Variants in KIR2DL1 observed in about 807,000 individuals in gnomAD.
The protein encoded by KIR2DL1 is killer cell immunoglobulin-like receptor 2DL1.
A neutral mutation model predicts 33.9 loss-of-function variants in KIR2DL1; 38 were observed. The observed-to-expected ratio is 1.12, with a 90% CI of 0.86 to 1.47. The LOEUF is 1.47. KIR2DL1 is among the 40% of genes most tolerant of loss of function. The probability of loss-of-function intolerance (pLI) is 0.00; values close to 1 mark genes in which losing one functional copy is unlikely to be tolerated. For missense variants in KIR2DL1, 531 were observed against 433.9 expected (o/e 1.22, Z -1.99); for synonymous variants, 179 against 165.9 (o/e 1.08, Z -0.61).
Position 54,783,854 on chromosome 19 carries a change from A to G in KIR2DL1, c.*41A>G. ...CTTGAGGGCGTCTTCTAGGGAGACA[A>G]CAGCCCTGTCTCAAAACCGGGTTGC... is the stretch of plus-strand genomic sequence containing the variant. On this transcript the variant is annotated 3_prime_UTR_variant, in exon 8 of 8. Transcript: ENST00000336077. The G allele has an allele frequency of 6.2e-7, 1 of 1,613,604 alleles. No homozygotes were observed. Among genetic ancestry groups the G allele is most frequent in the South Asian group, 1.1e-5 (1 of 91,060 alleles).
intron 6 of KIR2DL1, 40 bp downstream of exon 6, chr19:54,783,063 T>C (rs780702632): frequency 2.5e-6 from 4 of 1,595,668 alleles, no homozygotes; most frequent in Non-Finnish European, 3.4e-6. Flanking sequence ...CTCAGGGCCA[T>C]GTGGGGAAGC....
chr19:54,776,131 C>G (rs1300898601), intron 4 of KIR2DL1, among the ~76,000 whole-genome samples: 103 of 144,636 alleles, frequency 7.1e-4, no homozygotes, highest in African/African-American at 2.4e-3. Context: ...ACCACGTGAT[C>G]CACCCGCATC....
At chr19:54,781,351 G>C (rs1447521350) in intron 5 of KIR2DL1, among the ~76,000 whole-genome samples, 1 of 149,880 alleles carries the variant, frequency 6.7e-6, no homozygotes, top group Non-Finnish European at 1.5e-5. Flanking sequence ...GTGAGCATGA[G>C]ATCATATAGA....
In KIR2DL1 at chr19:54,780,626, A is replaced by G. The variant is rs1382576383; in HGVS notation, c.715+1964A>G. Among the ~76,000 whole-genome samples, 46 of 143,704 alleles carry G rather than the reference A, an allele frequency of 3.2e-4. 4 individuals are homozygous for G. Among genetic ancestry groups the G allele is most frequent in the Non-Finnish European group, 3.1e-5 (2 of 65,096 alleles). 94.3% of individuals were successfully genotyped at this position (143,704 alleles called of 152,430 possible). Reference sequence around the variant, plus strand: ...ATAACTGGAATCTAGGAGACCGTGGAAAAGGCAATTGCCGCCCCACTGGTG... The same window carrying G: ...ATAACTGGAATCTAGGAGACCGTGGGAAAGGCAATTGCCGCCCCACTGGTG... On this transcript the variant is annotated intron_variant, in intron 5 of 7. Coordinates refer to ENST00000336077, the MANE Select transcript of KIR2DL1 (RefSeq NM_014218.3).
intron 5 of KIR2DL1, 30 bp from the exon 6 acceptor site, chr19:54,782,892 G>A (rs377343184): frequency 4.8e-5 from 77 of 1,600,024 alleles, no homozygotes; most frequent in Non-Finnish European, 6.5e-5. Context: ...GCTAAGATTA[G>A]CTTCTTATTG....
chr19:54,771,533 G>A (rs1384527681), intron 2 of KIR2DL1, among the ~76,000 whole-genome samples: 12 of 147,270 alleles, frequency 8.1e-5, no homozygotes, highest in East Asian at 5.9e-4. Context: ...CTTGGAAAGC[G>A]AGGAGAATCT....
chr19:54,772,563 G>A (rs2075862236), intron 2 of KIR2DL1, among the ~76,000 whole-genome samples: 1 of 145,806 alleles, frequency 6.9e-6, no homozygotes, highest in African/African-American at 2.5e-5. Context: ...AGGATAGCCA[G>A]GCATGGTGGC....
intron 7 of KIR2DL1, 25 bp downstream of exon 7, chr19:54,783,563 G>T (rs369820783): frequency 1.9e-6 from 3 of 1,613,782 alleles, no homozygotes; most frequent in Non-Finnish European, 2.5e-6. Flanking sequence ...GCCCGGGCTC[G>T]TGGCTACTGT....
chr19:54,782,888 A>G (rs1259683160), intron 5 of KIR2DL1, 34 bp from the exon 6 acceptor site: 36 of 1,599,584 alleles, frequency 2.3e-5, no homozygotes, highest in Non-Finnish European at 3.0e-5. Context: ...AACTGCTAAG[A>G]TTAGCTTCTT....
In KIR2DL1 at chr19:54,778,604, T is replaced by A. The variant is rs375575487; in HGVS notation, c.665-8T>A. 2.1e-5 allele frequency: 32 copies of A among 1,550,888 alleles called. 3 individuals are homozygous for A. In the African/African-American group the frequency reaches 4.2e-4, roughly 20 times the overall value. On this transcript the variant is annotated splice_polypyrimidine_tract_variant and splice_region_variant and intron_variant, in intron 4 of 7. Transcript: ENST00000336077. ...ATTTCCTCACCTCTCTCCTGTCTCATGTTCTAGGAAACCCTTCAAATAGTT... is the reference window on the plus strand; with the variant it reads ...ATTTCCTCACCTCTCTCCTGTCTCAAGTTCTAGGAAACCCTTCAAATAGTT...
intron 4 of KIR2DL1, among the ~76,000 whole-genome samples, chr19:54,776,591 A>G (rs1240929663): frequency 2.1e-5 from 3 of 145,152 alleles, no homozygotes; most frequent in Non-Finnish European, 3.1e-5. Context: ...TTTCCTTTGG[A>G]TATAAACCCA....
rs1311811172 is a variant in KIR2DL1, at chr19:54,773,327, T to TC, written c.71-4dup. 1 of 1,596,362 alleles carries TC rather than the reference T, an allele frequency of 6.3e-7. No homozygotes were observed. Among genetic ancestry groups the TC allele is most frequent in the Admixed American group, 1.7e-5 (1 of 58,878 alleles). On this transcript the variant is annotated splice_polypyrimidine_tract_variant and splice_region_variant and intron_variant, in intron 2 of 7. Transcript: ENST00000336077. ...CACCTTCTAAACTCACAACCTCTCT[T>TC]CCTAGGAGTCCACAGAAAACCTTCC...
Position 54,783,556 on chromosome 19 carries a change from C to G in KIR2DL1, c.870+18C>G, listed in dbSNP as rs368315740. 1.2e-6 allele frequency: 2 copies of G among 1,613,734 alleles called. No individual in the cohort carries two copies. Among genetic ancestry groups the G allele is most frequent in the Non-Finnish European group, 1.7e-6 (2 of 1,179,924 alleles). On this transcript the variant is annotated intron_variant, in intron 7 of 7. Transcript: ENST00000336077. ...ATAGCGAGGTAGGTACTCCTCGGCC[C>G]GGGCTCGTGGCTACTGTTATTCCCA...
chr19:54,771,891 C>T (rs2075770037), intron 2 of KIR2DL1, among the ~76,000 whole-genome samples: 1 of 147,664 alleles, frequency 6.8e-6, no homozygotes, highest in African/African-American at 2.5e-5. Flanking sequence ...ATCACGGTCA[C>T]AGGTCAGAGG....
chr19:54,772,659 C>A (rs535275292), intron 2 of KIR2DL1, among the ~76,000 whole-genome samples: 4 of 144,676 alleles, frequency 2.8e-5, no homozygotes, highest in African/African-American at 1.0e-4. Flanking sequence ...TGAGCCTAGA[C>A]CACACCACTT....
At chr19:54,780,032 G>A (rs1173965537) in intron 5 of KIR2DL1, 2 of 441,800 alleles carry the variant, frequency 4.5e-6, no homozygotes, top group African/African-American at 2.5e-5. Flanking sequence ...TCGAGTAGCT[G>A]GGATTACAGG....
chr19:54,774,572 T>C (rs2076110091), intron 3 of KIR2DL1, among the ~76,000 whole-genome samples: 2 of 148,252 alleles, frequency 1.3e-5, no homozygotes, highest in African/African-American at 4.9e-5. Context: ...GATACATAGA[T>C]GATGATTGAT....
intron 1 of KIR2DL1, 28 bp from the exon 2 acceptor site, chr19:54,770,821 G>A (rs2075621812): frequency 6.3e-7 from 1 of 1,583,330 alleles, no homozygotes; most frequent in Non-Finnish European, 8.7e-7. Flanking sequence ...CCTGCAGATG[G>A]GTCATCCATC....
rs1286129370 is a variant in KIR2DL1 at position 54,773,049 on chromosome 19, C to T, written c.71-284C>T. 1.1e-4 allele frequency among the ~76,000 whole-genome samples: 16 copies of T among 148,516 alleles called. No homozygotes were observed. In the South Asian group the frequency reaches 2.3e-3, roughly 22 times the overall value. ...GGTTCCTCTTCCACCCCCACATAGA[C>T]AGCAGGAAAGACATTAGTTCGAAAT... On this transcript the variant is annotated intron_variant, in intron 2 of 7. Transcript: ENST00000336077.
Sources: allele counts gnomAD v4.1 joint callset (sites outside exome capture counted in the v4.1 genomes callset), GRCh38; gene constraint gnomAD v4.1.1; transcripts MANE v1.5; gene names NCBI Gene and HGNC (gene_info 2026-07-23, HGNC 2026-07-21).